Variants in GNS observed in about 807,000 individuals in gnomAD.
GNS encodes the protein glucosamine (N-acetyl)-6-sulfatase, also known as N-acetylglucosamine-6-sulfatase.
In GNS, 40 loss-of-function variants were observed where a neutral mutation model predicts 69.7. The ratio of observed to expected loss-of-function variants is 0.57; its 90% CI spans 0.45 to 0.75. The LOEUF is 0.75. GNS is among the 30% of genes least tolerant of loss of function. The probability of loss-of-function intolerance (pLI) is 0.00; values close to 1 mark genes in which losing one functional copy is unlikely to be tolerated. For synonymous variants in GNS, 243 were observed against 251.6 expected (o/e 0.97, Z 0.32); for missense variants, 565 against 685.5 (o/e 0.82, Z 1.96).
chr12:64,745,779 G>C (rs1048994256), intron 3 of GNS, 55 bp from the exon 4 acceptor site: 1 of 1,076,500 alleles, frequency 9.3e-7, no homozygotes, highest in African/African-American at 1.5e-5. Context: ...GACCAGACCA[G>C]AAAGAAACAG....
intron 2 of GNS, among the ~76,000 whole-genome samples, chr12:64,751,968 AAAG>A (rs917071213): frequency 3.3e-5 from 5 of 151,790 alleles, no homozygotes; most frequent in African/African-American, 1.2e-4. Context: ...AAAAAAAAAA[AAAG>A]AAGAAAGAAA....
At chr12:64,753,079 G>A (rs17176750) in intron 1 of GNS, 30,424 of 327,528 alleles carry the variant, frequency 0.093, 1,799 homozygotes, top group Non-Finnish European at 0.12. Context: ...TTAATCTTTA[G>A]AAGTAGGATG....
chr12:64,737,392 A>T (rs76432695), intron 8 of GNS, among the ~76,000 whole-genome samples: 126 of 152,318 alleles, frequency 8.3e-4, no homozygotes, highest in African/African-American at 2.9e-3. Flanking sequence ...ATACATAAAA[A>T]ATTATGCATG....
chr12:64,734,928 C>T (rs1039989308), intron 9 of GNS, among the ~76,000 whole-genome samples: 2 of 152,016 alleles, frequency 1.3e-5, no homozygotes, highest in African/African-American at 4.8e-5. Context: ...CGGTGAAACC[C>T]CATCTCTACT....
chr12:64,748,399 C>T (rs552378806), intron 2 of GNS, among the ~76,000 whole-genome samples: 6 of 150,642 alleles, frequency 4.0e-5, no homozygotes, highest in South Asian at 2.1e-4. Context: ...GTAGAGATAA[C>T]GTTCTTCCTG....
intron 1 of GNS, chr12:64,756,664 T>G (rs1252500158): frequency 9.9e-7 from 1 of 1,011,944 alleles, no homozygotes; most frequent in Admixed American, 2.0e-5. Flanking sequence ...AAAATCCTCA[T>G]ACTCTGCTCG....
At position 64,747,863 on chromosome 12, in the gene GNS, T is replaced by A; in HGVS notation, c.308A>T (p.Tyr103Phe). Residue 103 changes from tyrosine to phenylalanine, a missense_variant, in exon 3 of 14, where the codon TAC becomes TTC. Coordinates refer to ENST00000258145, the MANE Select transcript of GNS (RefSeq NM_002076.4). ...GTTCACAACGTGATGATTATGTGGG[T>A]ACTTTCCTGTCAGGATACTGGCTCT... is the stretch of plus-strand genomic sequence containing the variant. The part of the protein sequence containing the change: ...PSRASILTGK[Y>F]PHNHHVVNNT... 6.2e-7 allele frequency: 1 copy of A among 1,611,254 alleles called. No homozygotes were observed. The highest frequency in any genetic ancestry group is 2.2e-5 in the East Asian group (1 of 44,858).
chr12:64,738,668 C>G (rs773723598), intron 8 of GNS, among the ~76,000 whole-genome samples: 19 of 152,008 alleles, frequency 1.2e-4, no homozygotes, highest in Non-Finnish European at 2.8e-4. Flanking sequence ...CAAAAATTGG[C>G]CAGGCGTGGT....
intron 6 of GNS, 29 bp downstream of exon 6, chr12:64,743,112 G>A: frequency 6.5e-7 from 1 of 1,540,232 alleles, no homozygotes; most frequent in Non-Finnish European, 9.0e-7. Context: ...TACTTAGTAT[G>A]GCTGAATACA....
Position 64,723,212 on chromosome 12 carries a change from A to C in GNS, c.1201-99T>G. The C allele has an allele frequency of 3.9e-6, 3 of 764,220 alleles. No homozygotes were observed. The South Asian group carries it at 4.3e-5, about 11-fold the overall frequency. The allele number at this position is 764,220 out of a possible 1,614,324, so 47.3% of individuals were successfully genotyped here. On this transcript the variant is annotated intron_variant, in intron 10 of 13. Coordinates refer to ENST00000258145, the MANE Select transcript of GNS (RefSeq NM_002076.4). ...AAAGGGGACCTGGGAGTCAAAAGTA[A>C]TTGGACTGTTCATTCAGTAACTAAA...
chr12:64,745,603 A>T lies in GNS; in HGVS notation c.525+56T>A, dbSNP rs187563134. The T allele has an allele frequency of 3.5e-5, 34 of 958,130 alleles. 1 individual carries two copies. The highest frequency in any genetic ancestry group is 2.9e-4 in the East Asian group (12 of 42,040). The allele number at this position is 958,130 out of a possible 1,614,324, so 59.4% of individuals were successfully genotyped here. ...TGTCAATATCAGAGCTAAATTAAAC[A>T]TATTCTGCATCTGTAGGGCTGCATA... is the stretch of plus-strand genomic sequence containing the variant. On this transcript the variant is annotated intron_variant, in intron 4 of 13. Coordinates refer to ENST00000258145, the MANE Select transcript of GNS (RefSeq NM_002076.4).
intron 12 of GNS, 54 bp from the exon 13 acceptor site, chr12:64,720,236 AAATACTCTTAAC>A: frequency 1.7e-6 from 2 of 1,185,642 alleles, no homozygotes; most frequent in African/African-American, 1.5e-5. Context: ...AGCCGTGAAG[AAATACTCTTAAC>A]GTGACTTATT....
At chr12:64,729,343 G>A in intron 9 of GNS, 1 of 363,428 alleles carries the variant, frequency 2.8e-6, no homozygotes, top group Non-Finnish European at 5.1e-6. Flanking sequence ...AACTCCTTTG[G>A]GACTGCTTTG....
At chr12:64,720,992 G>C (rs564531144) in intron 12 of GNS, among the ~76,000 whole-genome samples, 1 of 152,358 alleles carries the variant, frequency 6.6e-6, no homozygotes, top group African/African-American at 2.4e-5. Context: ...ATGGAGTGGA[G>C]AATGAGTCCA....
intron 8 of GNS, among the ~76,000 whole-genome samples, chr12:64,739,012 T>C (rs1004625210): frequency 6.6e-6 from 1 of 152,094 alleles, no homozygotes; most frequent in Non-Finnish European, 1.5e-5. Flanking sequence ...CCTGCAGCTT[T>C]TGAAAAAAAC....
At chr12:64,744,712 A>G in intron 5 of GNS, 97 bp downstream of exon 5, 1 of 751,064 alleles carries the variant, frequency 1.3e-6, no homozygotes, top group South Asian at 1.4e-5. Context: ...ATATTACCCA[A>G]CACAAACGAA....
At chr12:64,722,711 T>G (rs1211584804) in intron 11 of GNS, 1 of 375,050 alleles carries the variant, frequency 2.7e-6, no homozygotes, top group Non-Finnish European at 5.1e-6. Flanking sequence ...TAAAAAAAAA[T>G]GGTACTGTTA....
At position 64,759,157 on chromosome 12, in the gene GNS, C is replaced by T; in HGVS notation, c.120G>A (p.Val40=). Residue 40 remains valine, a synonymous_variant, in exon 1 of 14, where the codon GTG becomes GTA. Transcript: ENST00000258145. Reference sequence around the variant, plus strand: ...CGTTGGGCCTCCGGGTTCCCGCAGCCACCCCGAAGACCCCCAGGCAGCCGC... The same window carrying T: ...CGTTGGGCCTCCGGGTTCCCGCAGCTACCCCGAAGACCCCCAGGCAGCCGC... ...VLGGCLGVFG[V]AAGTRRPNVV... The T allele has an allele frequency of 6.4e-7, 1 of 1,555,888 alleles. No individual in the cohort carries two copies. The highest frequency in any genetic ancestry group is 8.7e-7 in the Non-Finnish European group (1 of 1,150,176).
rs767515625 is a variant in GNS, at chr12:64,721,642, T to C, written c.1372A>G (p.Met458Val). The C allele has an allele frequency of 6.2e-7, 1 of 1,602,048 alleles. No homozygotes were observed. Residue 458 changes from methionine to valine, a missense_variant, in exon 12 of 14, where the codon ATG becomes GTG. Met to Val is a conservative substitution (Grantham distance 21, BLOSUM62 1). Coordinates refer to ENST00000258145, the MANE Select transcript of GNS (RefSeq NM_002076.4). Reference protein sequence around the residue: ...YNNTYACVRTMSALWNLQYCE... With the variant: ...YNNTYACVRTVSALWNLQYCE... ...TACTGCAAATTCCACAATGCTGACA[T>C]TGTCCTCACACAGGCATAGGTATTG...
Sources: gnomAD v4.1 joint callset for allele counts (sites outside exome capture counted in the v4.1 genomes callset) on GRCh38, gnomAD v4.1.1 for gene constraint, MANE v1.5 for transcripts, NCBI Gene and HGNC (gene_info 2026-07-23, HGNC 2026-07-21) for gene names.